CACNA1C: variants seen among roughly 807,000 people sequenced by gnomAD.
CACNA1C encodes the protein voltage-dependent L-type calcium channel subunit alpha-1C.
In CACNA1C, 30 loss-of-function variants were observed where a neutral mutation model predicts 229.0. That is an observed-to-expected ratio of 0.13 (90% CI 0.10 to 0.18). The LOEUF (loss-of-function observed/expected upper bound fraction) is 0.18, where lower values mean the gene tolerates loss of function less well. Ranked by LOEUF, CACNA1C falls within the 10% of genes least tolerant of loss-of-function variation. CACNA1C has a pLI of 1.00. For synonymous variants in CACNA1C, 1,114 were observed against 1,132.5 expected (o/e 0.98, Z 0.33); for missense variants, 1,658 against 2,845.0 (o/e 0.58, Z 9.49).
At chr12:2,373,668 A>G (rs1490963731) in intron 3 of CACNA1C, among the ~76,000 whole-genome samples, 10 of 152,222 alleles carry the variant, frequency 6.6e-5, no homozygotes, top group Admixed American at 6.5e-4. Flanking sequence ...AACCATTGAA[A>G]GTATTTCAGA....
chr12:2,674,684 C>A, intron 39 of CACNA1C, 42 bp downstream of exon 39: 9 of 1,512,846 alleles, frequency 5.9e-6, no homozygotes, highest in Non-Finnish European at 8.0e-6. Flanking sequence ...CACTGCCTGG[C>A]CGTGCCCCCC....
At chr12:2,284,579 A>G (rs970545722) in intron 3 of CACNA1C, among the ~76,000 whole-genome samples, 7 of 152,354 alleles carry the variant, frequency 4.6e-5, no homozygotes, top group African/African-American at 1.7e-4. Context: ...TCCCAGGATC[A>G]GAATTAAAAA....
Position 2,512,014 on chromosome 12 carries a change from C to A in CACNA1C, c.1218-798C>A, listed in dbSNP as rs1336180385. ...CAGGACATTTTCTTGTGTTTGGAAT[C>A]TTCATTTGTCTTCATGTGGGAGAGA... On this transcript the variant is annotated intron_variant, in intron 8 of 46. Coordinates refer to ENST00000399655, the MANE Select transcript of CACNA1C (RefSeq NM_000719.7). This position sits in a 1 kb window ranked among gnomAD's most constrained non-coding sequence, Gnocchi z 4.3. Among the ~76,000 whole-genome samples, 4 of 152,122 alleles carry A rather than the reference C, an allele frequency of 2.6e-5. No individual in the cohort carries two copies. The East Asian group carries it at 7.7e-4, about 29-fold the overall frequency.
At chr12:2,571,076 A>G (rs1461426232) in intron 13 of CACNA1C, among the ~76,000 whole-genome samples, 1 of 152,210 alleles carries the variant, frequency 6.6e-6, no homozygotes, top group Non-Finnish European at 1.5e-5. Flanking sequence ...AGCTTGAGTG[A>G]TCCTCCCAAG....
chr12:2,437,274 C>T (rs1011319768), intron 3 of CACNA1C, among the ~76,000 whole-genome samples: 1 of 151,840 alleles, frequency 6.6e-6, no homozygotes, highest in African/African-American at 2.4e-5. Flanking sequence ...GAGGCCTGTG[C>T]AGCAGCCAGC....
At chr12:2,020,914 C>G (rs2046331795) in intron 1 of CACNA1C, among the ~76,000 whole-genome samples, 1 of 152,166 alleles carries the variant, frequency 6.6e-6, no homozygotes, top group African/African-American at 2.4e-5. Context: ...CTGTATGGAA[C>G]CCATATTTGC....
chr12:1,973,332 T>C (rs991388424), intron 1 of CACNA1C, among the ~76,000 whole-genome samples: 1 of 152,184 alleles, frequency 6.6e-6, no homozygotes, highest in African/African-American at 2.4e-5. Context: ...CATGAACATT[T>C]TGGGGGAAAC....
chr12:2,071,889 A>G (rs116845955), intron 1 of CACNA1C, among the ~76,000 whole-genome samples: 2,576 of 152,160 alleles, frequency 0.017, 45 homozygotes, highest in South Asian at 0.078. Flanking sequence ...TGAATTCTCC[A>G]TTCCTTGGTG....
At chr12:1,975,974 AG>A (rs2034222585) in intron 1 of CACNA1C, among the ~76,000 whole-genome samples, 1 of 152,208 alleles carries the variant, frequency 6.6e-6, no homozygotes, top group African/African-American at 2.4e-5. Flanking sequence ...GTGTGTTTCA[AG>A]GAACTATCTG....
intron 3 of CACNA1C, among the ~76,000 whole-genome samples, chr12:2,370,897 A>G (rs545237072): frequency 3.1e-4 from 47 of 152,216 alleles, no homozygotes; most frequent in African/African-American, 1.1e-3. Flanking sequence ...GGCAGTCCCT[A>G]TGCTCTGTAC....
chr12:2,399,039 C>G (rs2098637228), intron 3 of CACNA1C, among the ~76,000 whole-genome samples: 1 of 152,126 alleles, frequency 6.6e-6, no homozygotes, highest in Admixed American at 6.5e-5. Context: ...AACACCTCCC[C>G]CCGGGGACTT....
At chr12:2,110,849 T>C (rs2238030) in intron 1 of CACNA1C, among the ~76,000 whole-genome samples, 5,315 of 152,178 alleles carry the variant, frequency 0.035, 271 homozygotes, top group East Asian at 0.11. Flanking sequence ...ATGTCTGAGG[T>C]CAGGGTGGGG....
In CACNA1C at chr12:2,201,204, T is replaced by C. The variant is rs763597025; in HGVS notation, c.477+80774T>C. On this transcript the variant is annotated intron_variant, in intron 3 of 46. Transcript: ENST00000399655. ...GAGAATCACACACACAGTCCCAGGA[T>C]AGGACATTCCAAAAAATAAAGAAGG... 5.3e-5 allele frequency among the ~76,000 whole-genome samples: 8 copies of C among 152,108 alleles called. No homozygotes were observed. The East Asian group carries it at 7.7e-4, about 15-fold the overall frequency.
chr12:2,046,214 G>C (rs192531132), intron 1 of CACNA1C, among the ~76,000 whole-genome samples: 2 of 152,298 alleles, frequency 1.3e-5, no homozygotes, highest in East Asian at 3.9e-4. Context: ...GGAACGGCTC[G>C]CACTTTGTGA....
intron 3 of CACNA1C, among the ~76,000 whole-genome samples, chr12:2,246,029 CGTG>C (rs1566645111): frequency 6.6e-6 from 1 of 152,158 alleles, no homozygotes; most frequent in Non-Finnish European, 1.5e-5. Context: ...TAACTTTGTG[CGTG>C]GTACACCCAT....
At chr12:2,431,193 T>A (rs1185217453) in intron 3 of CACNA1C, among the ~76,000 whole-genome samples, 2 of 152,168 alleles carry the variant, frequency 1.3e-5, no homozygotes, top group African/African-American at 2.4e-5. Flanking sequence ...CTCCCCAGGA[T>A]CTTCTGACCT....
intron 3 of CACNA1C, among the ~76,000 whole-genome samples, chr12:2,406,069 C>A (rs1318837535): frequency 6.6e-6 from 1 of 152,192 alleles, no homozygotes; most frequent in Non-Finnish European, 1.5e-5. Context: ...TAGGCACTTG[C>A]AAAATGGTAT....
chr12:2,581,511 G>T, intron 13 of CACNA1C, 79 bp from the exon 14 acceptor site: 1 of 1,289,544 alleles, frequency 7.8e-7, no homozygotes, highest in South Asian at 1.5e-5. Context: ...AGAACCTGCA[G>T]TGGGCAGTTG....
At chr12:2,355,318 T>C (rs2097329007) in intron 3 of CACNA1C, among the ~76,000 whole-genome samples, 1 of 152,166 alleles carries the variant, frequency 6.6e-6, no homozygotes, top group African/African-American at 2.4e-5. Flanking sequence ...AAACTTCAGC[T>C]GTCCTGTGTC....
Sources: allele counts gnomAD v4.1 joint callset (sites outside exome capture counted in the v4.1 genomes callset), GRCh38; gene constraint gnomAD v4.1.1; non-coding constraint Gnocchi (gnomAD v3.1); transcripts MANE v1.5; gene names NCBI Gene and HGNC (gene_info 2026-07-23, HGNC 2026-07-21).